Variants in PLA2G4E observed in about 807,000 individuals in gnomAD.
The protein encoded by PLA2G4E is cytosolic phospholipase A2 epsilon.
PLA2G4E carries 84 observed loss-of-function variants against 109.1 expected under a neutral mutation model. The ratio of observed to expected loss-of-function variants is 0.77; its 90% CI spans 0.65 to 0.92. The LOEUF (loss-of-function observed/expected upper bound fraction) is 0.92, where lower values mean the gene tolerates loss of function less well. Ranked by LOEUF, PLA2G4E falls within the 40% of genes least tolerant of loss-of-function variation. The probability of loss-of-function intolerance (pLI) is 0.00; values close to 1 mark genes in which losing one functional copy is unlikely to be tolerated. For missense variants in PLA2G4E, 1,057 were observed against 1,076.6 expected (o/e 0.98, Z 0.25); for synonymous variants, 469 against 436.1 (o/e 1.08, Z -0.94).
At chr15:41,988,375 T>G (rs985009736) in intron 15 of PLA2G4E, among the ~76,000 whole-genome samples, 2 of 152,096 alleles carry the variant, frequency 1.3e-5, no homozygotes, top group Non-Finnish European at 2.9e-5. Flanking sequence ...CTCCCCTCAG[T>G]GCCGGGAGAC....
intron 1 of PLA2G4E, 124 bp from the exon 2 acceptor site, chr15:42,013,881 GGTTT>G: frequency 2.0e-5 from 6 of 302,212 alleles, no homozygotes; most frequent in South Asian, 5.2e-5. Flanking sequence ...CCCCTAGGCT[GGTTT>G]TTTTTTTTTT....
intron 2 of PLA2G4E, chr15:42,008,924 G>A (rs1442896525): frequency 6.6e-6 from 1 of 152,262 alleles, no homozygotes; most frequent in Non-Finnish European, 1.5e-5. Context: ...AATAGTCACT[G>A]ATGAGAGTGG....
intron 1 of PLA2G4E, among the ~76,000 whole-genome samples, chr15:42,039,670 A>G (rs1889279922): frequency 6.6e-6 from 1 of 152,150 alleles, no homozygotes; most frequent in Admixed American, 6.5e-5. Flanking sequence ...AATCATAGCC[A>G]CAGAAGAAAA....
chr15:42,017,650 A>G (rs1460869938), intron 1 of PLA2G4E, among the ~76,000 whole-genome samples: 1 of 152,112 alleles, frequency 6.6e-6, no homozygotes, highest in Admixed American at 6.5e-5. Context: ...AGGAAGACAA[A>G]TGTTGCTTGC....
chr15:42,049,027 C>T (rs1308343176), intron 1 of PLA2G4E, among the ~76,000 whole-genome samples: 1 of 152,222 alleles, frequency 6.6e-6, no homozygotes, highest in East Asian at 1.9e-4. Flanking sequence ...TCCCATCCCC[C>T]TCCAGCGTAT....
intron 1 of PLA2G4E, among the ~76,000 whole-genome samples, chr15:42,019,707 C>A (rs1217203933): frequency 6.6e-6 from 1 of 152,202 alleles, no homozygotes; most frequent in Non-Finnish European, 1.5e-5. Context: ...TAATACATGT[C>A]CCAGCCACTC....
At chr15:42,043,709 G>GT (rs1208439424) in intron 1 of PLA2G4E, among the ~76,000 whole-genome samples, 1 of 152,120 alleles carries the variant, frequency 6.6e-6, no homozygotes, top group Non-Finnish European at 1.5e-5. Context: ...ACCCGAGTGC[G>GT]TATCTTGGCT....
intron 2 of PLA2G4E, among the ~76,000 whole-genome samples, chr15:42,011,154 AG>A (rs1243425923): frequency 6.6e-5 from 10 of 152,362 alleles, no homozygotes; most frequent in Middle Eastern, 6.8e-3. Flanking sequence ...CGTAAGCAAC[AG>A]GGGGGTTTCC....
intron 1 of PLA2G4E, among the ~76,000 whole-genome samples, chr15:42,047,730 G>A (rs948345639): frequency 6.6e-6 from 1 of 152,120 alleles, no homozygotes; most frequent in Non-Finnish European, 1.5e-5. Context: ...AGAGCTGGTG[G>A]TGACTCTTTT....
intron 5 of PLA2G4E, among the ~76,000 whole-genome samples, chr15:42,003,206 G>A (rs1216725633): frequency 2.0e-5 from 3 of 152,228 alleles, no homozygotes; most frequent in Non-Finnish European, 4.4e-5. Context: ...GCCTGGCAGA[G>A]TCCACAGCAT....
intron 17 of PLA2G4E, among the ~76,000 whole-genome samples, chr15:41,986,419 T>G (rs2068142956): frequency 6.6e-6 from 1 of 152,140 alleles, no homozygotes; most frequent in African/African-American, 2.4e-5. Context: ...GGCACTGAGC[T>G]GACGCTGCAG....
intron 17 of PLA2G4E, chr15:41,986,915 G>A: frequency 1.9e-6 from 1 of 522,638 alleles, no homozygotes; most frequent in Non-Finnish European, 3.4e-6. Flanking sequence ...CTACCTGCTA[G>A]GACTGTTGTA....
At chr15:42,010,097 TC>T in intron 2 of PLA2G4E, 1 of 511,202 alleles carries the variant, frequency 2.0e-6, no homozygotes, top group Non-Finnish European at 4.0e-6. Context: ...TGCTCAGCCC[TC>T]TTGAACCCTT....
intron 1 of PLA2G4E, among the ~76,000 whole-genome samples, chr15:42,027,035 T>C (rs2724943): frequency 0.53 from 80,371 of 150,648 alleles, 22,485 homozygotes; most frequent in East Asian, 0.71. Context: ...TCACTTACAG[T>C]ATGAGAAATG....
intron 2 of PLA2G4E, among the ~76,000 whole-genome samples, chr15:42,012,663 TCTC>T (rs2068548642): frequency 6.6e-6 from 1 of 152,176 alleles, no homozygotes; most frequent in Non-Finnish European, 1.5e-5. Context: ...CTCTCATTGT[TCTC>T]CTCTGCCTCT....
At chr15:42,001,310 T>C in intron 6 of PLA2G4E, 90 bp from the exon 7 acceptor site, 1 of 1,238,304 alleles carries the variant, frequency 8.1e-7, no homozygotes, top group Non-Finnish European at 1.2e-6. Flanking sequence ...GACCAGAGGA[T>C]ACATTCAGCA....
intron 18 of PLA2G4E, 101 bp from the exon 19 acceptor site, chr15:41,984,720 A>C (rs1007715626): frequency 1.4e-5 from 16 of 1,127,326 alleles, no homozygotes; most frequent in Middle Eastern, 2.9e-4. Flanking sequence ...CCAGCTAACA[A>C]CTCAGCTCCC....
intron 10 of PLA2G4E, chr15:41,998,912 G>A (rs1410458036): frequency 2.0e-5 from 3 of 152,280 alleles, no homozygotes; most frequent in Admixed American, 6.5e-5. Context: ...AATTAGCCAG[G>A]TGTAGAGGTG....
rs374626237 is a variant in PLA2G4E, at chr15:42,017,430, C to T, written c.184-3673G>A. Among the ~76,000 whole-genome samples the T allele has an allele frequency of 2.5e-4, 38 of 152,340 alleles. No homozygotes were observed. In the East Asian group the frequency reaches 3.3e-3, roughly 13 times the overall value. On this transcript the variant is annotated intron_variant, in intron 1 of 19. Coordinates refer to ENST00000399518, the Ensembl canonical transcript of PLA2G4E. ...TAGCATCTGCTGCGTGCCAGCCATGCGCAGGTGCCATGTACAGGTTCTCTG... is the reference window on the plus strand; with the variant it reads ...TAGCATCTGCTGCGTGCCAGCCATGTGCAGGTGCCATGTACAGGTTCTCTG...
Sources: gnomAD v4.1 joint callset for allele counts (sites outside exome capture counted in the v4.1 genomes callset) on GRCh38, gnomAD v4.1.1 for gene constraint, MANE v1.5 for transcripts, NCBI Gene and HGNC (gene_info 2026-07-23, HGNC 2026-07-21) for gene names.